EPB41L4A: variants seen among roughly 807,000 people sequenced by gnomAD.
EPB41L4A encodes the protein erythrocyte membrane protein band 4.1 like 4A, also known as band 4.1-like protein 4A.
A neutral mutation model predicts 108.6 loss-of-function variants in EPB41L4A; 100 were observed. The observed-to-expected ratio is 0.92, with a 90% CI of 0.78 to 1.09. The LOEUF (loss-of-function observed/expected upper bound fraction) is 1.09, where lower values mean the gene tolerates loss of function less well. Ranked by LOEUF, EPB41L4A falls within the 50% of genes least tolerant of loss-of-function variation. The probability of loss-of-function intolerance (pLI) is 0.00; values close to 1 mark genes in which losing one functional copy is unlikely to be tolerated. For synonymous variants in EPB41L4A, 319 were observed against 289.0 expected (o/e 1.10, Z -1.05); for missense variants, 1,030 against 842.7 (o/e 1.22, Z -2.75).
intron 9 of EPB41L4A, among the ~76,000 whole-genome samples, chr5:112,243,790 C>T (rs759923937): frequency 2.6e-5 from 4 of 152,322 alleles, no homozygotes; most frequent in East Asian, 3.9e-4. Flanking sequence ...CTCTCTTAGA[C>T]TTCACAGAAT....
intron 12 of EPB41L4A, among the ~76,000 whole-genome samples, chr5:112,226,857 CAG>C (rs1748488983): frequency 6.6e-6 from 1 of 151,218 alleles, no homozygotes; most frequent in African/African-American, 2.4e-5. Flanking sequence ...GGTATAGTTT[CAG>C]AGTCATAAGA....
chr5:112,265,792 G>A (rs1401689812), intron 5 of EPB41L4A, among the ~76,000 whole-genome samples: 1 of 152,178 alleles, frequency 6.6e-6, no homozygotes, highest in African/African-American at 2.4e-5. Flanking sequence ...AACATGAAGA[G>A]CTGAAGAGCA....
chr5:112,342,147 C>T (rs962971669), intron 1 of EPB41L4A, among the ~76,000 whole-genome samples: 6 of 152,034 alleles, frequency 3.9e-5, no homozygotes, highest in African/African-American at 1.2e-4. Flanking sequence ...AAGAAGTTAA[C>T]AAATAACCAT....
chr5:112,296,371 T>TG (rs1395163657), intron 2 of EPB41L4A, among the ~76,000 whole-genome samples: 2 of 152,128 alleles, frequency 1.3e-5, no homozygotes, highest in Non-Finnish European at 2.9e-5. Flanking sequence ...ATTGTGGAGT[T>TG]GAATTACTAT....
intron 15 of EPB41L4A, among the ~76,000 whole-genome samples, chr5:112,197,782 G>T (rs1180726987): frequency 6.6e-6 from 1 of 152,098 alleles, no homozygotes. Flanking sequence ...TTGATATGAT[G>T]GACCCTACAT....
intron 4 of EPB41L4A, among the ~76,000 whole-genome samples, chr5:112,267,758 C>T (rs1041894064): frequency 6.6e-6 from 1 of 152,168 alleles, no homozygotes; most frequent in Non-Finnish European, 1.5e-5. Flanking sequence ...AAGATGTAAA[C>T]AGGATCATGT....
chr5:112,226,505 A>C (rs1348687516), intron 12 of EPB41L4A, among the ~76,000 whole-genome samples: 1 of 152,200 alleles, frequency 6.6e-6, no homozygotes, highest in Non-Finnish European at 1.5e-5. Flanking sequence ...AAATAGGGGA[A>C]ACCACCTTAC....
chr5:112,240,652 C>T, intron 10 of EPB41L4A, 67 bp downstream of exon 10: 2 of 895,140 alleles, frequency 2.2e-6, no homozygotes, highest in South Asian at 3.5e-5. Context: ...AGACAGAATT[C>T]TTTTTATAAA....
At chr5:112,357,987 T>G (rs454794) in intron 1 of EPB41L4A, among the ~76,000 whole-genome samples, 146,977 of 152,348 alleles carry the variant, frequency 0.96, 71,004 homozygotes, top group African/African-American at 0.99. Flanking sequence ...TCCTCAATAG[T>G]CCAAGAACAA....
At position 112,186,690 on chromosome 5, in the gene EPB41L4A, T is replaced by C. The variant is rs976601195; in HGVS notation, c.1503-2555A>G. Among the ~76,000 whole-genome samples the C allele has an allele frequency of 2.0e-5, 3 of 152,136 alleles. No homozygotes were observed. In the East Asian group the frequency reaches 5.8e-4, roughly 29 times the overall value. ...GAAGCACATTTTCCTGAGTAATGGG[T>C]AGTGTGGCGGCCTTGGCCTGTAATG... On this transcript the variant is annotated intron_variant, in intron 17 of 22. Transcript: ENST00000261486.
At position 112,268,485 on chromosome 5, in the gene EPB41L4A, T is replaced by C. The variant is rs115845921; in HGVS notation, c.336-2155A>G. Among the ~76,000 whole-genome samples, 892 of 152,320 alleles carry C rather than the reference T, an allele frequency of 5.9e-3. 3 individuals carry two copies. The highest frequency in any genetic ancestry group is 0.01 in the Middle Eastern group (3 of 294). ...TTTACTACACCCTCCTCCTTCTCTATTGGCATCTTCAAATTTCTTTTCCTG... is the reference window on the plus strand; with the variant it reads ...TTTACTACACCCTCCTCCTTCTCTACTGGCATCTTCAAATTTCTTTTCCTG... On this transcript the variant is annotated intron_variant, in intron 4 of 22. Transcript: ENST00000261486.
intron 2 of EPB41L4A, among the ~76,000 whole-genome samples, chr5:112,282,678 A>G (rs2150512454): frequency 6.6e-6 from 1 of 152,346 alleles, no homozygotes; most frequent in African/African-American, 2.4e-5. Flanking sequence ...GTCAAGGCAC[A>G]TGTAACATTG....
chr5:112,144,779 G>A (rs930268389), intron 13 of EPB41L4A, among the ~76,000 whole-genome samples: 1 of 152,138 alleles, frequency 6.6e-6, no homozygotes, highest in African/African-American at 2.4e-5. Context: ...TGCAATTGTT[G>A]CTACTGCTGT....
At chr5:112,342,191 G>T (rs1173242701) in intron 1 of EPB41L4A, among the ~76,000 whole-genome samples, 1 of 152,166 alleles carries the variant, frequency 6.6e-6, no homozygotes, top group Admixed American at 6.5e-5. Flanking sequence ...GTAATGAAGA[G>T]AAATACTATA....
At chr5:112,350,888 A>G (rs528984699) in intron 1 of EPB41L4A, among the ~76,000 whole-genome samples, 2 of 152,320 alleles carry the variant, frequency 1.3e-5, no homozygotes, top group African/African-American at 4.8e-5. Context: ...GACACTTAGG[A>G]TGATTCTCTA....
chr5:112,342,277 T>C (rs141296926), intron 1 of EPB41L4A, among the ~76,000 whole-genome samples: 172 of 152,346 alleles, frequency 1.1e-3, no homozygotes, highest in East Asian at 3.5e-3. Flanking sequence ...CCAATTTCCA[T>C]TCCTGTCCTG....
intron 1 of EPB41L4A, among the ~76,000 whole-genome samples, chr5:112,382,687 T>G (rs750830870): frequency 2.0e-5 from 3 of 151,774 alleles, no homozygotes; most frequent in Non-Finnish European, 4.4e-5. Context: ...TGTGGGAGGG[T>G]TGGGGGAACA....
chr5:112,358,561 A>G (rs76844786), intron 1 of EPB41L4A, among the ~76,000 whole-genome samples: 1,823 of 152,356 alleles, frequency 0.012, 16 homozygotes, highest in South Asian at 0.04. Context: ...GATACTGAGT[A>G]ATGGCAAGGA....
intron 12 of EPB41L4A, among the ~76,000 whole-genome samples, chr5:112,151,234 G>A (rs954463408): frequency 6.6e-6 from 1 of 151,552 alleles, no homozygotes; most frequent in South Asian, 2.1e-4. Context: ...ACTATAAATC[G>A]ATAAGAATGT....
Sources: allele counts gnomAD v4.1 joint callset (sites outside exome capture counted in the v4.1 genomes callset), GRCh38; gene constraint gnomAD v4.1.1; transcripts MANE v1.5; gene names NCBI Gene and HGNC (gene_info 2026-07-23, HGNC 2026-07-21).